Variants in CLIC5 observed in about 807,000 individuals in gnomAD.
CLIC5 encodes the protein chloride intracellular channel protein 5.
CLIC5 carries 20 observed loss-of-function variants against 24.7 expected under a neutral mutation model. The ratio of observed to expected loss-of-function variants is 0.81; its 90% CI spans 0.57 to 1.18. The LOEUF is 1.18. Among genes scored for constraint, CLIC5 ranks in the 50% most tolerant of loss-of-function variants. CLIC5 has a pLI of 0.00. For synonymous variants in CLIC5, 159 were observed against 135.6 expected (o/e 1.17, Z -1.20); for missense variants, 341 against 326.1 (o/e 1.05, Z -0.35).
At chr6:45,929,164 C>T (rs1199664388) in intron 4 of CLIC5, among the ~76,000 whole-genome samples, 1 of 152,148 alleles carries the variant, frequency 6.6e-6, no homozygotes, top group Non-Finnish European at 1.5e-5. Context: ...GGCCACGCCA[C>T]CACCAACCGC....
the CLIC5 span, among the ~76,000 whole-genome samples, chr6:46,125,563 C>T: frequency 6.6e-6 from 1 of 151,880 alleles, no homozygotes; most frequent in African/African-American, 2.4e-5. Context: ...TACCTTAGAA[C>T]TTAAAGTATA....
At chr6:46,066,958 T>C (rs562975093) in intron 1 of CLIC5, among the ~76,000 whole-genome samples, 1 of 151,936 alleles carries the variant, frequency 6.6e-6, no homozygotes, top group Non-Finnish European at 1.5e-5. Context: ...GTGAGTGAGG[T>C]AGAGCATGGT....
chr6:46,054,572 C>G (rs1233322910), intron 1 of CLIC5, among the ~76,000 whole-genome samples: 1 of 152,192 alleles, frequency 6.6e-6, no homozygotes, highest in Non-Finnish European at 1.5e-5. Context: ...GTGTCTCCCC[C>G]ACACCCCTGA....
chr6:46,034,604 T>TA (rs1015726931), intron 1 of CLIC5, among the ~76,000 whole-genome samples: 2 of 152,058 alleles, frequency 1.3e-5, no homozygotes, highest in African/African-American at 4.8e-5. Flanking sequence ...CCTGTCTCTT[T>TA]AAAAAAAATT....
At chr6:45,911,906 AG>A (rs1365472077) in intron 5 of CLIC5, 1 of 985,522 alleles carries the variant, frequency 1.0e-6, no homozygotes, top group Non-Finnish European at 1.2e-6. Flanking sequence ...GAGAACTAGG[AG>A]GGGGCCAGAC....
At chr6:46,079,009 G>A (rs571033359) in intron 1 of CLIC5, among the ~76,000 whole-genome samples, 1 of 152,160 alleles carries the variant, frequency 6.6e-6, no homozygotes, top group Non-Finnish European at 1.5e-5. Context: ...GGGAGATGTT[G>A]GGGAAAAAGG....
chr6:45,973,476 G>A (rs909401485), intron 1 of CLIC5, among the ~76,000 whole-genome samples: 4 of 152,092 alleles, frequency 2.6e-5, no homozygotes, highest in African/African-American at 9.7e-5. Context: ...GTATGACAGA[G>A]AGAAATGTGT....
chr6:45,921,434 C>T (rs1763255667), intron 4 of CLIC5, among the ~76,000 whole-genome samples: 1 of 152,166 alleles, frequency 6.6e-6, no homozygotes, highest in South Asian at 2.1e-4. Context: ...GCAGCACATT[C>T]ACTCTGCCAT....
intron 6 of CLIC5, among the ~76,000 whole-genome samples, chr6:45,887,624 C>T (rs1762316676): frequency 6.6e-6 from 1 of 152,190 alleles, no homozygotes; most frequent in African/African-American, 2.4e-5. Context: ...AACAGAGTCA[C>T]CATCCCTGAT....
the CLIC5 span, among the ~76,000 whole-genome samples, chr6:46,095,837 CT>C: frequency 2.0e-5 from 3 of 152,118 alleles, no homozygotes; most frequent in African/African-American, 7.2e-5. Context: ...ATCCCAACCC[CT>C]GGTACCATTT....
chr6:45,988,571 G>A (rs1183777760), intron 1 of CLIC5, among the ~76,000 whole-genome samples: 2 of 152,156 alleles, frequency 1.3e-5, no homozygotes, highest in African/African-American at 4.8e-5. Context: ...TCTCTCCAAA[G>A]CATGAATCCC....
intron 1 of CLIC5, among the ~76,000 whole-genome samples, chr6:46,057,023 A>C (rs1768278965): frequency 6.6e-6 from 1 of 152,156 alleles, no homozygotes; most frequent in East Asian, 1.9e-4. Flanking sequence ...CTACCTTCTA[A>C]ATGGTTTTCA....
chr6:45,989,023 T>C (rs1053319950), intron 1 of CLIC5, among the ~76,000 whole-genome samples: 1 of 152,234 alleles, frequency 6.6e-6, no homozygotes, highest in Non-Finnish European at 1.5e-5. Context: ...ATGACTCTTC[T>C]GCCCCCATGG....
chr6:46,057,909 C>T (rs1176036117), intron 1 of CLIC5, among the ~76,000 whole-genome samples: 1 of 152,212 alleles, frequency 6.6e-6, no homozygotes, highest in Non-Finnish European at 1.5e-5. Flanking sequence ...CACATTACTG[C>T]TACTGCCTGG....
intron 4 of CLIC5, among the ~76,000 whole-genome samples, chr6:45,917,560 T>C (rs1763079212): frequency 6.6e-6 from 1 of 152,216 alleles, no homozygotes; most frequent in African/African-American, 2.4e-5. Context: ...CTGTTCCTTA[T>C]ACTCCCTTGG....
chr6:46,097,515 T>C, the CLIC5 span, among the ~76,000 whole-genome samples: 6 of 152,176 alleles, frequency 3.9e-5, no homozygotes, highest in South Asian at 6.2e-4. Flanking sequence ...CTGAGAGCAA[T>C]TGTGGCAAAG....
At chr6:46,080,030 C>T (rs1294580305) in exon 1 of CLIC5, 1 of 1,551,486 alleles carries the variant, frequency 6.4e-7, no homozygotes, top group African/African-American at 1.4e-5. Context: ...GGACAGAGGC[C>T]AAGCTGGTCT....
chr6:46,074,747 T>C (rs921657980), intron 1 of CLIC5, among the ~76,000 whole-genome samples: 1 of 151,998 alleles, frequency 6.6e-6, no homozygotes. Context: ...TATCTTAGAG[T>C]GGATAATAGG....
chr6:45,983,534 A>T (rs768663360), intron 1 of CLIC5, among the ~76,000 whole-genome samples: 3 of 152,192 alleles, frequency 2.0e-5, no homozygotes, highest in Non-Finnish European at 1.5e-5. Context: ...CTGCTCCTGC[A>T]TATCACGGCC....
Sources: allele counts gnomAD v4.1 joint callset (sites outside exome capture counted in the v4.1 genomes callset), GRCh38; gene constraint gnomAD v4.1.1; transcripts MANE v1.5; gene names NCBI Gene and HGNC (gene_info 2026-07-23, HGNC 2026-07-21).